EVL: variants seen among roughly 807,000 people sequenced by gnomAD.
EVL encodes the protein Enah/Vasp-like.
EVL carries 21 observed loss-of-function variants against 59.6 expected under a neutral mutation model. The observed-to-expected ratio is 0.35, with a 90% CI of 0.25 to 0.51. The LOEUF is 0.51. EVL is among the 20% of genes least tolerant of loss of function. EVL has a pLI of 0.97. For synonymous variants in EVL, 198 were observed against 203.5 expected (o/e 0.97, Z 0.23); for missense variants, 462 against 546.6 (o/e 0.85, Z 1.54).
chr14:100,110,535 T>G, intron 3 of EVL, among the ~76,000 whole-genome samples: 1 of 148,862 alleles, frequency 6.7e-6, no homozygotes, highest in African/African-American at 2.5e-5. Flanking sequence ...GGGCTGGGGG[T>G]GAATGGGGGG....
chr14:100,077,834 G>T (rs796459581), intron 1 of EVL, among the ~76,000 whole-genome samples: 1 of 152,078 alleles, frequency 6.6e-6, no homozygotes, highest in African/African-American at 2.4e-5. Flanking sequence ...GTGCAATGGC[G>T]CAATCTCGGC....
chr14:99,993,350 G>A (rs1045636529), intron 1 of EVL, among the ~76,000 whole-genome samples: 21 of 152,028 alleles, frequency 1.4e-4, no homozygotes, highest in African/African-American at 2.9e-4. Context: ...GAGCCACCGC[G>A]CCCGGTCGTT....
chr14:100,076,398 A>C (rs1391095372), intron 1 of EVL, among the ~76,000 whole-genome samples: 1 of 152,238 alleles, frequency 6.6e-6, no homozygotes, highest in East Asian at 1.9e-4. Flanking sequence ...ACTGTGGCCT[A>C]AGTCCTCACT....
At chr14:100,123,518 T>C (rs376769645) in intron 3 of EVL, 21 bp from the exon 4 acceptor site, 1 of 1,613,550 alleles carries the variant, frequency 6.2e-7, no homozygotes, top group Non-Finnish European at 8.5e-7. Context: ...CCACACTGTT[T>C]CTGTGCTTCT....
At position 100,109,425 on chromosome 14, in the gene EVL, G is replaced by A. The variant is rs564864187; in HGVS notation, c.358+11767G>A. ...TGGTGTCCCATTTGTTTGGACCCTGGGTTTGTTTGTCTAGACTGTGAGCTC... is the reference window on the plus strand; with the variant it reads ...TGGTGTCCCATTTGTTTGGACCCTGAGTTTGTTTGTCTAGACTGTGAGCTC... On this transcript the variant is annotated intron_variant, in intron 3 of 13. Coordinates refer to ENST00000392920, the MANE Select transcript of EVL (RefSeq NM_016337.3). The surrounding 1 kb of genome is among the most constrained non-coding windows in gnomAD (Gnocchi z 4.3). The A allele has an allele frequency of 5.4e-6, 2 of 371,106 alleles. No individual in the cohort carries two copies. Among genetic ancestry groups the A allele is most frequent in the Non-Finnish European group, 1.1e-5 (2 of 186,318 alleles). The allele number at this position is 371,106 out of a possible 1,614,324, so 23.0% of individuals were successfully genotyped here.
At chr14:100,018,177 T>G (rs2140198221) in intron 1 of EVL, among the ~76,000 whole-genome samples, 1 of 152,320 alleles carries the variant, frequency 6.6e-6, no homozygotes, top group South Asian at 2.1e-4. Context: ...GCCACGCAGG[T>G]GGCAGCCAAG....
chr14:100,021,655 A>G (rs1290305358), intron 1 of EVL, among the ~76,000 whole-genome samples: 3 of 152,160 alleles, frequency 2.0e-5, no homozygotes, highest in Non-Finnish European at 4.4e-5. Flanking sequence ...CCACTCCCAG[A>G]ATTTCTCATT....
intron 3 of EVL, among the ~76,000 whole-genome samples, chr14:100,116,294 G>C (rs879476844): frequency 2.6e-5 from 4 of 152,050 alleles, no homozygotes; most frequent in Non-Finnish European, 5.9e-5. Flanking sequence ...AGAAGAACTT[G>C]GGACTCTGCC....
intron 6 of EVL, among the ~76,000 whole-genome samples, chr14:100,129,218 C>T (rs1888276184): frequency 6.6e-6 from 1 of 152,186 alleles, no homozygotes; most frequent in Non-Finnish European, 1.5e-5. Flanking sequence ...CTAATACAGA[C>T]CTTTGGCTTA....
In EVL at chr14:100,130,990, G is replaced by A. The variant is rs537835532; in HGVS notation, c.839+1306G>A. 1.8e-4 allele frequency among the ~76,000 whole-genome samples: 27 copies of A among 152,208 alleles called. No individual in the cohort carries two copies. Among genetic ancestry groups the A allele is most frequent in the Non-Finnish European group, 3.5e-4 (24 of 68,040 alleles). ...AGAGAGCCGGGAGGGCTCGCAGAACGATGAGGACGTCCCGTGCTGTAAGAG... is the reference window on the plus strand; with the variant it reads ...AGAGAGCCGGGAGGGCTCGCAGAACAATGAGGACGTCCCGTGCTGTAAGAG... On this transcript the variant is annotated intron_variant, in intron 7 of 13. Transcript: ENST00000392920. This position sits in a 1 kb window ranked among gnomAD's most constrained non-coding sequence, Gnocchi z 4.8.
chr14:100,042,876 C>G (rs1254676369), intron 1 of EVL, among the ~76,000 whole-genome samples: 2 of 152,124 alleles, frequency 1.3e-5, no homozygotes, highest in African/African-American at 4.8e-5. Flanking sequence ...TACATACTTA[C>G]CATAAACCCT....
intron 1 of EVL, among the ~76,000 whole-genome samples, chr14:100,077,088 A>T (rs976975569): frequency 6.6e-6 from 1 of 152,180 alleles, no homozygotes. Flanking sequence ...AGAGCTCCCA[A>T]TGAGGGAAGA....
chr14:100,044,106 A>G (rs2061511065), intron 1 of EVL, among the ~76,000 whole-genome samples: 1 of 152,220 alleles, frequency 6.6e-6, no homozygotes, highest in Non-Finnish European at 1.5e-5. Flanking sequence ...CTCTCTAGGT[A>G]TTCCTTAATC....
At chr14:100,012,208 C>T (rs963661975) in intron 1 of EVL, among the ~76,000 whole-genome samples, 1 of 152,212 alleles carries the variant, frequency 6.6e-6, no homozygotes, top group African/African-American at 2.4e-5. Flanking sequence ...ACCCCAGCTT[C>T]ATATACTTGG....
At chr14:100,060,430 CA>C (rs58767352), upstream of EVL, among the ~76,000 whole-genome samples, 2,304 of 63,606 alleles carry the variant, frequency 0.036, 36 homozygotes, top group African/African-American at 0.11. Flanking sequence ...GACTCCGTCT[CA>C]AAAAAAAAAA....
intron 2 of EVL, among the ~76,000 whole-genome samples, chr14:100,094,996 G>T (rs1885705473): frequency 1.3e-5 from 2 of 152,182 alleles, no homozygotes; most frequent in South Asian, 4.1e-4. Context: ...AGCCAAGATC[G>T]CACCACTGCA....
chr14:100,138,853 T>C (rs549639775), intron 11 of EVL: 1 of 152,386 alleles, frequency 6.6e-6, no homozygotes, highest in African/African-American at 2.4e-5. Context: ...AGGAGGAGTC[T>C]GCTCTGCGGA....
intron 6 of EVL, 102 bp from the exon 7 acceptor site, chr14:100,129,461 T>C: frequency 6.5e-7 from 1 of 1,534,636 alleles, no homozygotes; most frequent in Non-Finnish European, 8.9e-7. Flanking sequence ...GCTGCTGCCA[T>C]AGGATTCACA....
At chr14:100,103,789 A>C (rs1300893122) in intron 3 of EVL, among the ~76,000 whole-genome samples, 1 of 152,220 alleles carries the variant, frequency 6.6e-6, no homozygotes, top group Non-Finnish European at 1.5e-5. Flanking sequence ...CCCAGCGCCC[A>C]TCACAGTGCA....
Sources: gnomAD v4.1 joint callset for allele counts (sites outside exome capture counted in the v4.1 genomes callset) on GRCh38, gnomAD v4.1.1 for gene constraint, Gnocchi (gnomAD v3.1) non-coding constraint, MANE v1.5 for transcripts, NCBI Gene and HGNC (gene_info 2026-07-23, HGNC 2026-07-21) for gene names.